RBFOX3: variants seen among roughly 807,000 people sequenced by gnomAD.
The protein encoded by RBFOX3 is RNA binding fox-1 homolog 3.
In RBFOX3, 17 loss-of-function variants were observed where a neutral mutation model predicts 48.7. The ratio of observed to expected loss-of-function variants is 0.35; its 90% confidence interval spans 0.24 to 0.52. The LOEUF is 0.52. Among genes scored for constraint, RBFOX3 ranks in the 20% least tolerant of loss-of-function variants. RBFOX3 has a pLI of 0.94. For missense variants in RBFOX3, 382 were observed against 497.5 expected, an observed-to-expected ratio of 0.77 and a Z score of 2.21; for synonymous variants, 212 against 209.5, an observed-to-expected ratio of 1.01 and a Z score of -0.10.
chr17:79,593,905 CTTG>C (rs2093494189), intron 1 of RBFOX3, among the ~76,000 whole-genome samples: 1 of 152,112 alleles, frequency 6.6e-6, no homozygotes, highest in African/African-American at 2.4e-5. Context: ...CCCGCTGGCA[CTTG>C]TTGGGGGTGG....
chr17:79,313,746 A>G (rs566265464), intron 2 of RBFOX3, among the ~76,000 whole-genome samples: 2 of 152,092 alleles, frequency 1.3e-5, no homozygotes, highest in Non-Finnish European at 2.9e-5. Context: ...ACCTCCCAGC[A>G]AGGCTCCTGG....
chr17:79,405,550 G>A (rs938413072), intron 2 of RBFOX3, among the ~76,000 whole-genome samples: 2 of 152,074 alleles, frequency 1.3e-5, no homozygotes, highest in Non-Finnish European at 2.9e-5. Flanking sequence ...GCGAAACCCT[G>A]TCTGTACTAA....
In RBFOX3 at chr17:79,199,762, A is replaced by G. The variant is rs960627420; in HGVS notation, c.-34+36004T>C. On this transcript the variant is annotated intron_variant, in intron 4 of 14. Transcript: ENST00000693108. The surrounding 1 kb of genome is among the most constrained non-coding windows in gnomAD (Gnocchi z 5.1). ...ATTGCTGCTGCTGTAGGATTTCTGA[A>G]GCACGCTGAACAAACCCACCCTGAT... Among the ~76,000 whole-genome samples, 1 of 152,208 alleles carries G rather than the reference A, an allele frequency of 6.6e-6. No homozygotes were observed. Among genetic ancestry groups the G allele is most frequent in the Non-Finnish European group, 1.5e-5 (1 of 68,042 alleles).
intron 1 of RBFOX3, among the ~76,000 whole-genome samples, chr17:79,502,069 C>G (rs2082449620): frequency 1.3e-5 from 2 of 152,202 alleles, no homozygotes; most frequent in South Asian, 4.1e-4. Flanking sequence ...CACGTGACCA[C>G]TAAGCAGGTC....
intron 3 of RBFOX3, among the ~76,000 whole-genome samples, chr17:79,281,927 G>A (rs112827985): frequency 3.9e-5 from 6 of 152,304 alleles, no homozygotes; most frequent in South Asian, 4.1e-4. Flanking sequence ...GCAGAAAGAC[G>A]TCAGAACAGG....
chr17:79,548,140 G>A (rs143308235), intron 1 of RBFOX3, among the ~76,000 whole-genome samples: 415 of 152,366 alleles, frequency 2.7e-3, no homozygotes, highest in Non-Finnish European at 4.4e-3. Flanking sequence ...AGTGCGGCAC[G>A]GGCTGTGCCT....
chr17:79,378,935 G>A (rs2059554685), intron 2 of RBFOX3, among the ~76,000 whole-genome samples: 1 of 152,178 alleles, frequency 6.6e-6, no homozygotes, highest in African/African-American at 2.4e-5. Context: ...CAGCCCCAGG[G>A]CCCAGAGGCC....
At chr17:79,546,537 C>A (rs2090455305) in intron 1 of RBFOX3, among the ~76,000 whole-genome samples, 1 of 142,306 alleles carries the variant, frequency 7.0e-6, no homozygotes, top group Non-Finnish European at 1.5e-5. Flanking sequence ...CTGACGGCTT[C>A]CCAATGGCCT....
At chr17:79,615,382 A>T (rs1293610795), upstream of RBFOX3, among the ~76,000 whole-genome samples, 1 of 152,138 alleles carries the variant, frequency 6.6e-6, no homozygotes, top group Non-Finnish European at 1.5e-5. Context: ...GGATGGAAGA[A>T]ACAGAGGATC....
chr17:79,159,471 C>T (rs574187809), intron 4 of RBFOX3, among the ~76,000 whole-genome samples: 2 of 152,280 alleles, frequency 1.3e-5, no homozygotes, highest in South Asian at 4.1e-4. Context: ...ACAGAGAGGG[C>T]TGGACTCCAC....
Position 79,149,070 on chromosome 17 carries a change from C to T in RBFOX3, c.-33-33322G>A, listed in dbSNP as rs143592693. On this transcript the variant is annotated intron_variant, in intron 4 of 14. Transcript: ENST00000693108. Reference sequence around the variant, plus strand: ...TGCAGCTCCCACCACTGACGAACAGCGCACTCTAAAGCTTAAGAAGCACAA... The same window carrying T: ...TGCAGCTCCCACCACTGACGAACAGTGCACTCTAAAGCTTAAGAAGCACAA... Among the ~76,000 whole-genome samples the T allele has an allele frequency of 7.1e-3, 1,087 of 152,324 alleles. 22 individuals are homozygous for T. Among genetic ancestry groups the T allele is most frequent in the African/African-American group, 0.024 (994 of 41,572 alleles).
chr17:79,620,551 A>G, the RBFOX3 span, among the ~76,000 whole-genome samples: 1 of 147,610 alleles, frequency 6.8e-6, no homozygotes, highest in African/African-American at 2.5e-5. Context: ...ACACGCATGC[A>G]CACATGTGCA....
chr17:79,234,720 G>GTTTT (rs2061427031), intron 4 of RBFOX3: 1 of 92,146 alleles, frequency 1.1e-5, no homozygotes, highest in African/African-American at 5.5e-5. Context: ...GGCATTAAGT[G>GTTTT]CTTTTTTTTT....
At chr17:79,520,385 G>A (rs1018470074) in intron 1 of RBFOX3, among the ~76,000 whole-genome samples, 9,940 of 152,238 alleles carry the variant, frequency 0.065, 660 homozygotes, top group African/African-American at 0.17. Flanking sequence ...GGAGCATGTC[G>A]GGCCAAGGCA....
chr17:79,577,546 A>G (rs1380137684), intron 1 of RBFOX3, among the ~76,000 whole-genome samples: 6 of 152,250 alleles, frequency 3.9e-5, no homozygotes, highest in Admixed American at 3.9e-4. Context: ...CGCGGGGACA[A>G]GAAAAGCATT....
At chr17:79,442,168 C>T (rs1471512813) in intron 2 of RBFOX3, among the ~76,000 whole-genome samples, 1 of 148,200 alleles carries the variant, frequency 6.7e-6, no homozygotes, top group Non-Finnish European at 1.5e-5. Context: ...GGCCTCCAAC[C>T]ACAGCTGCTG....
intron 4 of RBFOX3, among the ~76,000 whole-genome samples, chr17:79,230,187 T>C (rs1411796729): frequency 2.6e-5 from 4 of 152,172 alleles, no homozygotes; most frequent in African/African-American, 4.8e-5. Flanking sequence ...TCTCCCCAGT[T>C]TTCTCATGTT....
chr17:79,616,584 C>CACACAT, the RBFOX3 span, among the ~76,000 whole-genome samples: 4 of 147,610 alleles, frequency 2.7e-5, no homozygotes, highest in Non-Finnish European at 6.0e-5. Context: ...TCTATACAAA[C>CACACAT]ACACACACAC....
intron 4 of RBFOX3, among the ~76,000 whole-genome samples, chr17:79,216,373 G>A (rs552074111): frequency 6.6e-6 from 1 of 152,364 alleles, no homozygotes; most frequent in Non-Finnish European, 1.5e-5. Context: ...GGACCACGGA[G>A]CAGGTGGGGA....
Sources: gnomAD v4.1 joint callset for allele counts (sites outside exome capture counted in the v4.1 genomes callset) on GRCh38, gnomAD v4.1.1 for gene constraint, Gnocchi (gnomAD v3.1) non-coding constraint, MANE v1.5 for transcripts, NCBI Gene and HGNC (gene_info 2026-07-23, HGNC 2026-07-21) for gene names.